Variants in FBXL17 observed in about 807,000 individuals in gnomAD.
The protein encoded by FBXL17 is F-box and leucine rich repeat protein 17, also known as F-box/LRR-repeat protein 17.
FBXL17 carries 22 observed loss-of-function variants against 66.2 expected under a neutral mutation model. That is an observed-to-expected ratio of 0.33 (90% CI 0.24 to 0.47). The LOEUF (loss-of-function observed/expected upper bound fraction) is 0.47, where lower values mean the gene tolerates loss of function less well. FBXL17 is among the 20% of genes least tolerant of loss of function. FBXL17 has a pLI of 1.00. For missense variants in FBXL17, 878 were observed against 948.2 expected, an observed-to-expected ratio of 0.93 and a Z score of 0.97; for synonymous variants, 474 against 400.5, an observed-to-expected ratio of 1.18 and a Z score of -2.19.
chr5:108,304,833 T>C (rs1423971223), intron 4 of FBXL17, among the ~76,000 whole-genome samples: 1 of 151,950 alleles, frequency 6.6e-6, no homozygotes, highest in Admixed American at 6.6e-5. Flanking sequence ...AAAAACTATT[T>C]CCCTACCTAC....
At chr5:108,074,575 C>G (rs1459260930) in intron 6 of FBXL17, among the ~76,000 whole-genome samples, 2 of 152,074 alleles carry the variant, frequency 1.3e-5, no homozygotes, top group Non-Finnish European at 2.9e-5. Context: ...TTAAAGTACA[C>G]ATGAAAGGAT....
At chr5:108,319,557 T>A (rs1580809012) in intron 4 of FBXL17, among the ~76,000 whole-genome samples, 1 of 151,810 alleles carries the variant, frequency 6.6e-6, no homozygotes, top group East Asian at 1.9e-4. Flanking sequence ...AAATACTACT[T>A]TCAAGATAAT....
intron 6 of FBXL17, among the ~76,000 whole-genome samples, chr5:108,052,732 T>G (rs572410446): frequency 3.9e-5 from 6 of 152,300 alleles, no homozygotes; most frequent in African/African-American, 1.2e-4. Context: ...AGACCCTGTA[T>G]AGCCAAGACA....
At chr5:108,239,032 A>G (rs150051558) in intron 4 of FBXL17, among the ~76,000 whole-genome samples, 1 of 152,284 alleles carries the variant, frequency 6.6e-6, no homozygotes, top group East Asian at 1.9e-4. Context: ...ACAAAATTTA[A>G]GAACTTATAT....
At chr5:108,044,537 A>G (rs1342585933) in intron 6 of FBXL17, among the ~76,000 whole-genome samples, 2 of 152,130 alleles carry the variant, frequency 1.3e-5, no homozygotes, top group Non-Finnish European at 2.9e-5. Flanking sequence ...ATGGTCCTGA[A>G]TTCTATTTGC....
intron 4 of FBXL17, among the ~76,000 whole-genome samples, chr5:108,292,349 G>A (rs1758148507): frequency 6.6e-6 from 1 of 151,932 alleles, no homozygotes; most frequent in South Asian, 2.1e-4. Context: ...TCGAACTCCT[G>A]ACCTCAGGTG....
chr5:108,073,361 CATGTT>C (rs1748415342), intron 6 of FBXL17, among the ~76,000 whole-genome samples: 1 of 151,800 alleles, frequency 6.6e-6, no homozygotes, highest in East Asian at 1.9e-4. Flanking sequence ...TGACTTGAGT[CATGTT>C]TCATTTTATT....
At chr5:107,877,938 T>C (rs973383268) in intron 8 of FBXL17, among the ~76,000 whole-genome samples, 2 of 152,216 alleles carry the variant, frequency 1.3e-5, no homozygotes, top group Non-Finnish European at 2.9e-5. Flanking sequence ...TTCTGTTTCC[T>C]GTCTCTATTC....
At chr5:108,192,767 G>A (rs1396436565) in intron 5 of FBXL17, among the ~76,000 whole-genome samples, 2 of 152,128 alleles carry the variant, frequency 1.3e-5, no homozygotes, top group African/African-American at 2.4e-5. Context: ...ACTCCAGCCT[G>A]GGTGACAGAG....
chr5:108,193,581 C>G (rs183616270), intron 5 of FBXL17, among the ~76,000 whole-genome samples: 460 of 152,176 alleles, frequency 3.0e-3, no homozygotes, highest in Non-Finnish European at 5.3e-3. Flanking sequence ...ACTAACTAGG[C>G]TGGAATCTCA....
intron 4 of FBXL17, among the ~76,000 whole-genome samples, chr5:108,328,859 T>C (rs937520656): frequency 6.6e-6 from 1 of 152,128 alleles, no homozygotes; most frequent in African/African-American, 2.4e-5. Context: ...CTCTAACTAA[T>C]CATTTAACAT....
At chr5:108,140,751 G>C (rs1236101493) in intron 6 of FBXL17, among the ~76,000 whole-genome samples, 2 of 151,868 alleles carry the variant, frequency 1.3e-5, no homozygotes, top group Non-Finnish European at 2.9e-5. Context: ...ATAAACTCAA[G>C]GATATCCCCC....
intron 6 of FBXL17, among the ~76,000 whole-genome samples, chr5:108,060,030 T>C (rs1030250530): frequency 2.0e-5 from 3 of 150,530 alleles, no homozygotes; most frequent in African/African-American, 7.3e-5. Context: ...TGAATATATA[T>C]ATTTACATAT....
chr5:108,296,153 C>A (rs1179135097), intron 4 of FBXL17, among the ~76,000 whole-genome samples: 1 of 151,618 alleles, frequency 6.6e-6, no homozygotes, highest in Non-Finnish European at 1.5e-5. Context: ...AAAGCTTAGA[C>A]ACTAAATTTT....
At chr5:108,051,509 T>A (rs1747472939) in intron 6 of FBXL17, among the ~76,000 whole-genome samples, 1 of 152,184 alleles carries the variant, frequency 6.6e-6, no homozygotes, top group South Asian at 2.1e-4. Flanking sequence ...TATCTCAATA[T>A]GCTCAAAAAC....
At chr5:108,051,639 T>C (rs943663074) in intron 6 of FBXL17, among the ~76,000 whole-genome samples, 3 of 152,162 alleles carry the variant, frequency 2.0e-5, no homozygotes, top group Non-Finnish European at 2.9e-5. Flanking sequence ...AATATCATAT[T>C]GAATGGGCAA....
chr5:108,215,657 T>C (rs978276641), intron 5 of FBXL17, among the ~76,000 whole-genome samples: 1 of 152,234 alleles, frequency 6.6e-6, no homozygotes, highest in East Asian at 1.9e-4. Flanking sequence ...ATTCTGTCGA[T>C]TGCCTCTTCA....
intron 4 of FBXL17, among the ~76,000 whole-genome samples, chr5:108,246,108 A>G (rs543312489): frequency 1.2e-4 from 19 of 152,160 alleles, no homozygotes; most frequent in Non-Finnish European, 2.5e-4. Flanking sequence ...AAGAGGTTGG[A>G]CAAGGAAGAG....
At chr5:108,133,152 C>T (rs895278267) in intron 6 of FBXL17, among the ~76,000 whole-genome samples, 3 of 152,002 alleles carry the variant, frequency 2.0e-5, no homozygotes, top group Admixed American at 6.6e-5. Flanking sequence ...AAGCATTATT[C>T]GTAAAAGATG....
Sources: gnomAD v4.1 joint callset for allele counts (sites outside exome capture counted in the v4.1 genomes callset) on GRCh38, gnomAD v4.1.1 for gene constraint, MANE v1.5 for transcripts, NCBI Gene and HGNC (gene_info 2026-07-23, HGNC 2026-07-21) for gene names.